MAP3K3: variants seen among roughly 807,000 people sequenced by gnomAD.
MAP3K3 encodes the protein MAP/ERK kinase kinase 3.
In MAP3K3, 12 loss-of-function variants were observed where a neutral mutation model predicts 80.9. The ratio of observed to expected loss-of-function variants is 0.15; its 90% CI spans 0.10 to 0.24. The LOEUF (loss-of-function observed/expected upper bound fraction) is 0.24. Ranked by LOEUF, MAP3K3 falls within the 10% of genes least tolerant of loss-of-function variation. The probability of loss-of-function intolerance (pLI) is 1.00; values close to 1 mark genes in which losing one functional copy is unlikely to be tolerated. For missense variants in MAP3K3, 596 were observed against 834.7 expected (o/e 0.71, Z 3.52); for synonymous variants, 272 against 307.1 (o/e 0.89, Z 1.19).
intron 5 of MAP3K3, among the ~76,000 whole-genome samples, chr17:63,659,351 A>G (rs2143402212): frequency 6.6e-6 from 1 of 152,214 alleles, no homozygotes; most frequent in East Asian, 1.9e-4. Flanking sequence ...ATGTTTGGTG[A>G]TGAAATCTTT....
At chr17:63,688,341 G>C in intron 8 of MAP3K3, 186 bp from the exon 9 acceptor site, 1 of 618,262 alleles carries the variant, frequency 1.6e-6, no homozygotes, top group South Asian at 1.9e-5. Flanking sequence ...GTCAAATTTG[G>C]GTCACAGACT....
At chr17:63,653,846 C>T (rs1021629998) in intron 4 of MAP3K3, among the ~76,000 whole-genome samples, 2 of 152,166 alleles carry the variant, frequency 1.3e-5, no homozygotes, top group Admixed American at 6.6e-5. Flanking sequence ...GTGCAACCAA[C>T]ACCGCTATCT....
chr17:63,624,556 G>C (rs1385202722), intron 1 of MAP3K3, among the ~76,000 whole-genome samples: 1 of 152,228 alleles, frequency 6.6e-6, no homozygotes, highest in Non-Finnish European at 1.5e-5. Flanking sequence ...GGGGAGGAAG[G>C]AAACTATATA....
chr17:63,622,892 C>T (rs1030142243), intron 1 of MAP3K3, 129 bp downstream of exon 1: 6 of 152,182 alleles, frequency 3.9e-5, no homozygotes, highest in Middle Eastern at 3.1e-3. Flanking sequence ...GGCTGCGGAC[C>T]GCCGGCCGGC....
intron 5 of MAP3K3, among the ~76,000 whole-genome samples, chr17:63,661,064 CT>C (rs879334734): frequency 6.6e-6 from 1 of 151,760 alleles, no homozygotes; most frequent in African/African-American, 2.4e-5. Flanking sequence ...AGAACTATCT[CT>C]TTTTTTTTAT....
At chr17:63,631,907 G>T (rs772544350) in intron 1 of MAP3K3, among the ~76,000 whole-genome samples, 7 of 152,174 alleles carry the variant, frequency 4.6e-5, no homozygotes, top group Non-Finnish European at 1.0e-4. Flanking sequence ...TCTGTTCAAA[G>T]CAGTTACCTG....
intron 4 of MAP3K3, among the ~76,000 whole-genome samples, chr17:63,653,592 A>T (rs548167940): frequency 3.9e-5 from 6 of 152,324 alleles, no homozygotes; most frequent in African/African-American, 1.4e-4. Flanking sequence ...TACATGTCTT[A>T]ACATACTCTA....
Position 63,691,544 on chromosome 17 carries a change from G to A in MAP3K3, c.1345-189G>A, listed in dbSNP as rs113912817. 6.0e-4 allele frequency among the ~76,000 whole-genome samples: 91 copies of A among 152,300 alleles called. No individual in the cohort carries two copies. Among genetic ancestry groups the A allele is most frequent in the Non-Finnish European group, 1.1e-3 (76 of 68,020 alleles). On this transcript the variant is annotated intron_variant, in intron 13 of 15. Coordinates refer to ENST00000361733, the MANE Select transcript of MAP3K3 (RefSeq NM_002401.5). This position sits in a 1 kb window ranked among gnomAD's most constrained non-coding sequence, Gnocchi z 4.8. ...CTCCCTGCTCCTGGATTTGGGTGGCGCTCTGCTTGAGAAGGACTTGGGGTA... is the reference window on the plus strand; with the variant it reads ...CTCCCTGCTCCTGGATTTGGGTGGCACTCTGCTTGAGAAGGACTTGGGGTA...
At position 63,696,040 on chromosome 17, in the gene MAP3K3, T is replaced by C. The variant is rs2035685786; in HGVS notation, c.*2263T>C. The C allele has an allele frequency of 6.6e-6, 1 of 152,542 alleles. No homozygotes were observed. The highest frequency in any genetic ancestry group is 1.5e-5 in the Non-Finnish European group (1 of 68,078). 9.4% of individuals were successfully genotyped at this position (152,542 alleles called of 1,614,324 possible). A position where few individuals can be genotyped will look rare whatever the true frequency, so the allele number is the denominator to read the frequency against. On this transcript the variant is annotated 3_prime_UTR_variant, in exon 16 of 16. Coordinates refer to ENST00000361733, the MANE Select transcript of MAP3K3 (RefSeq NM_002401.5). ...GTGGGAAGGGGCCGTGCCGTCACTT[T>C]CTCATCATTCCATGGGGTGTGTCTG...
intron 1 of MAP3K3, among the ~76,000 whole-genome samples, chr17:63,625,331 T>C (rs1420458423): frequency 6.6e-6 from 1 of 152,248 alleles, no homozygotes; most frequent in Non-Finnish European, 1.5e-5. Context: ...AAATTGGGAT[T>C]GACTGGTTGT....
At chr17:63,680,632 G>C (rs75041420) in intron 6 of MAP3K3, among the ~76,000 whole-genome samples, 8 of 152,112 alleles carry the variant, frequency 5.3e-5, no homozygotes, top group Admixed American at 4.6e-4. Context: ...GAAAAACATT[G>C]CTCAGTGACT....
intron 4 of MAP3K3, among the ~76,000 whole-genome samples, chr17:63,657,047 A>G (rs1297727405): frequency 6.6e-6 from 1 of 152,128 alleles, no homozygotes. Flanking sequence ...ACAGAAAGAT[A>G]ATTAAACCGT....
rs1480471561 is a variant in MAP3K3 at position 63,689,871 on chromosome 17, C to G, written c.1063+136C>G. Reference sequence around the variant, plus strand: ...GCCCAAATGCACCACATGGGATAAGCCTTGGAGTGTCTGAAGCCTGGCTCC... The same window carrying G: ...GCCCAAATGCACCACATGGGATAAGGCTTGGAGTGTCTGAAGCCTGGCTCC... On this transcript the variant is annotated intron_variant, in intron 11 of 15. Transcript: ENST00000361733. The surrounding 1 kb of genome is among the most constrained non-coding windows in gnomAD (Gnocchi z 4.3). 1 of 767,534 alleles carries G rather than the reference C, an allele frequency of 1.3e-6. No individual in the cohort carries two copies. The highest frequency in any genetic ancestry group is 1.8e-5 in the African/African-American group (1 of 56,790). 47.5% of individuals were successfully genotyped at this position (767,534 alleles called of 1,614,324 possible).
chr17:63,667,188 T>G, intron 6 of MAP3K3, 128 bp downstream of exon 6: 1 of 1,016,784 alleles, frequency 9.8e-7, no homozygotes, highest in Admixed American at 3.5e-5. Flanking sequence ...GAGTAATCCT[T>G]TATGCCTTTA....
At chr17:63,667,850 T>C (rs1438309816) in intron 6 of MAP3K3, among the ~76,000 whole-genome samples, 1 of 152,188 alleles carries the variant, frequency 6.6e-6, no homozygotes, top group Admixed American at 6.5e-5. Context: ...CCTGGAGATA[T>C]GGAGGGCCAA....
In MAP3K3 at chr17:63,635,734, T is replaced by C. The variant is rs530962911; in HGVS notation, c.126+2932T>C. Among the ~76,000 whole-genome samples, 43 of 152,292 alleles carry C rather than the reference T, an allele frequency of 2.8e-4. No individual in the cohort carries two copies. The East Asian group carries it at 5.2e-3, about 18-fold the overall frequency. ...TACACATTTATTATTATTATTGTAGTTTTTGTTAGCCTAGGCCTGAGATAG... is the reference window on the plus strand; with the variant it reads ...TACACATTTATTATTATTATTGTAGCTTTTGTTAGCCTAGGCCTGAGATAG... On this transcript the variant is annotated intron_variant, in intron 2 of 15. Coordinates refer to ENST00000361733, the MANE Select transcript of MAP3K3 (RefSeq NM_002401.5).
chr17:63,631,824 C>T (rs532755630), intron 1 of MAP3K3, among the ~76,000 whole-genome samples: 1 of 152,098 alleles, frequency 6.6e-6, no homozygotes, highest in African/African-American at 2.4e-5. Context: ...AAGTAGTAGG[C>T]CTATAAACTT....
At chr17:63,627,734 G>T (rs1274293126) in intron 1 of MAP3K3, among the ~76,000 whole-genome samples, 1 of 151,986 alleles carries the variant, frequency 6.6e-6, no homozygotes, top group Admixed American at 6.6e-5. Context: ...GAGCCATCGT[G>T]CCTGGCCATG....
intron 6 of MAP3K3, chr17:63,668,146 G>A (rs1775159667): frequency 6.6e-6 from 1 of 152,214 alleles, no homozygotes. Flanking sequence ...ATCCATATAG[G>A]TAGAATTGCT....
Sources: gnomAD v4.1 joint callset for allele counts (sites outside exome capture counted in the v4.1 genomes callset) on GRCh38, gnomAD v4.1.1 for gene constraint, Gnocchi (gnomAD v3.1) non-coding constraint, MANE v1.5 for transcripts, NCBI Gene and HGNC (gene_info 2026-07-23, HGNC 2026-07-21) for gene names.